Variants in IL12RB1 observed in about 807,000 individuals in gnomAD.
IL12RB1 encodes interleukin 12 receptor subunit beta 1.
In IL12RB1, 64 loss-of-function variants were observed where a neutral mutation model predicts 94.4. The ratio of observed to expected loss-of-function variants is 0.68; its 90% CI spans 0.55 to 0.83. The LOEUF is 0.83. Among genes scored for constraint, IL12RB1 ranks in the 40% least tolerant of loss-of-function variants. IL12RB1 has a pLI of 0.00. For synonymous variants in IL12RB1, 362 were observed against 355.5 expected, an observed-to-expected ratio of 1.02 and a Z score of -0.21; for missense variants, 814 against 855.6, an observed-to-expected ratio of 0.95 and a Z score of 0.61.
chr19:18,086,858 C>A lies in IL12RB1; in HGVS notation c.-35G>T. On this transcript the variant is annotated 5_prime_UTR_variant, in exon 1 of 17. Transcript: ENST00000593993. The stretch of plus-strand genomic sequence containing the variant: ...GTAGAGCCCCACAGCCCCAGGGGAG[C>A]CTCTCTGCCACCTGCGAGGTTCAGC... The A allele has an allele frequency of 1.3e-6, 2 of 1,597,320 alleles. No individual in the cohort carries two copies. The highest frequency in any genetic ancestry group is 2.3e-5 in the South Asian group (2 of 88,814).
Position 18,080,930 on chromosome 19 carries a change from C to T in IL12RB1, c.311G>A (p.Gly104Glu), listed in dbSNP as rs1568514893. Residue 104 changes from glycine to glutamate, a missense_variant, in exon 4 of 17, where the codon GGG (glycine) becomes GAG (glutamate). Coordinates refer to ENST00000593993, the MANE Select transcript of IL12RB1 (RefSeq NM_005535.3). Reference sequence around the variant, plus strand: ...TGTGACAGTGTACAGCACAGACACCCCAGCCTGGTCGGAGAACTGCAGCCT... The same window carrying T: ...TGTGACAGTGTACAGCACAGACACCTCAGCCTGGTCGGAGAACTGCAGCCT... ...ATRLQFSDQAGVSVLYTVTLW... is the reference protein window; with the variant it reads ...ATRLQFSDQAEVSVLYTVTLW... The T allele has an allele frequency of 2.5e-6, 4 of 1,613,914 alleles. No individual in the cohort carries two copies. The highest frequency in any genetic ancestry group is 4.5e-5 in the East Asian group (2 of 44,888).
At position 18,078,376 on chromosome 19, in the gene IL12RB1, C is replaced by T. The variant is rs561453633; in HGVS notation, c.410-721G>A. Among the ~76,000 whole-genome samples, 6 of 151,958 alleles carry T rather than the reference C, an allele frequency of 3.9e-5. No homozygotes were observed. The South Asian group carries it at 8.3e-4, about 21-fold the overall frequency. The stretch of plus-strand genomic sequence containing the variant: ...TAGACAAGATCCCACCACTGCCCTC[C>T]GGCCTGGGTGACAGAGCAAGACTCT... On this transcript the variant is annotated intron_variant, in intron 4 of 16. Coordinates refer to ENST00000593993, the MANE Select transcript of IL12RB1 (RefSeq NM_005535.3).
At position 18,071,333 on chromosome 19, in the gene IL12RB1, T is replaced by A; in HGVS notation, c.1021+779A>T. On this transcript the variant is annotated intron_variant, in intron 9 of 16. Transcript: ENST00000593993. ...GTTGCAGTGAGCTGAGATCATGCCA[T>A]CTGTCACAAGAAAAAAAAGAAATTA... The A allele has an allele frequency of 3.4e-6, 3 of 876,210 alleles. No homozygotes were observed. In the South Asian group the frequency reaches 4.2e-5, roughly 12 times the overall value. 54.3% of individuals were successfully genotyped at this position (876,210 alleles called of 1,614,324 possible). A position where few individuals can be genotyped will look rare whatever the true frequency, so the allele number is the denominator to read the frequency against.
At chr19:18,086,109 G>C (rs1006709750) in intron 1 of IL12RB1, among the ~76,000 whole-genome samples, 40 of 151,916 alleles carry the variant, frequency 2.6e-4, no homozygotes, top group Non-Finnish European at 2.9e-5. Context: ...TGCAGTCCCA[G>C]CTACTCAAGG....
intron 14 of IL12RB1, 130 bp downstream of exon 14, chr19:18,062,051 C>T: frequency 1.5e-6 from 1 of 657,698 alleles, no homozygotes; most frequent in Admixed American, 2.3e-5. Context: ...TTTTCTTCTA[C>T]CTCTGGCTTG....
At position 18,079,860 on chromosome 19, in the gene IL12RB1, G is replaced by A. The variant is rs200989318; in HGVS notation, c.409+972C>T. Among the ~76,000 whole-genome samples, 57 of 152,028 alleles carry A rather than the reference G, an allele frequency of 3.7e-4. No individual in the cohort carries two copies. The East Asian group carries it at 9.9e-3, about 27-fold the overall frequency. ...TGCAGTGAGCCGAGATCGCGCCACT[G>A]CACTCCAGCCTGGGCGACAGAGCGA... On this transcript the variant is annotated intron_variant, in intron 4 of 16. Transcript: ENST00000593993.
At chr19:18,077,442 T>C in intron 5 of IL12RB1, 74 bp downstream of exon 5, 1 of 1,128,542 alleles carries the variant, frequency 8.9e-7, no homozygotes. Context: ...GATGCAGAGA[T>C]GGTGAGACTG....
At chr19:18,076,064 T>G (rs1350659107) in intron 6 of IL12RB1, among the ~76,000 whole-genome samples, 196 bp from the exon 7 acceptor site, 1 of 152,114 alleles carries the variant, frequency 6.6e-6, no homozygotes, top group Admixed American at 6.6e-5. Flanking sequence ...TGCCCCTCAG[T>G]TCAAGTCCTG....
intron 1 of IL12RB1, among the ~76,000 whole-genome samples, chr19:18,093,344 A>ATATATATATATATATATG (rs1224767884): frequency 3.5e-5 from 5 of 142,602 alleles, no homozygotes; most frequent in South Asian, 2.2e-4. Flanking sequence ...ATATATATAT[A>ATATATATATATATATATG]TATACTTGTG....
At chr19:18,084,645 C>T (rs952691760) in intron 1 of IL12RB1, among the ~76,000 whole-genome samples, 10 of 149,432 alleles carry the variant, frequency 6.7e-5, no homozygotes, top group South Asian at 4.3e-4. Flanking sequence ...ATCTACCTAC[C>T]GATATATCCA....
chr19:18,063,540 G>A (rs768116683), intron 13 of IL12RB1, among the ~76,000 whole-genome samples: 37 of 152,196 alleles, frequency 2.4e-4, no homozygotes, highest in Non-Finnish European at 4.1e-4. Context: ...AGAAGGGACA[G>A]TTGTAAACAA....
At chr19:18,083,399 A>T (rs758605024) in intron 2 of IL12RB1, 33 bp downstream of exon 2, 24 of 1,602,482 alleles carry the variant, frequency 1.5e-5, no homozygotes, top group Middle Eastern at 1.7e-4. Flanking sequence ...GCCCTACATA[A>T]TCCTCAGCCA....
chr19:18,085,793 G>C (rs979934402), intron 1 of IL12RB1, among the ~76,000 whole-genome samples: 1 of 151,954 alleles, frequency 6.6e-6, no homozygotes, highest in African/African-American at 2.4e-5. Context: ...ATTTTTAGTA[G>C]AGATGGGGTT....
chr19:18,073,618 C>T lies in IL12RB1; in HGVS notation c.701-19G>A, dbSNP rs1222702528. 1 of 1,476,154 alleles carries T rather than the reference C, an allele frequency of 6.8e-7. No individual in the cohort carries two copies. The allele number at this position is 1,476,154 out of a possible 1,614,324, so 91.4% of individuals were successfully genotyped here. On this transcript the variant is annotated intron_variant, in intron 7 of 16. Transcript: ENST00000593993. ...GGGTTTTCTGCAATCAGAACCAAAC[C>T]AACTAGACGAATTGGAAGGAGAGAA...
Position 18,082,693 on chromosome 19 carries a change from A to G in IL12RB1, c.125-429T>C, listed in dbSNP as rs571993671. On this transcript the variant is annotated intron_variant, in intron 2 of 16. Coordinates refer to ENST00000593993, the MANE Select transcript of IL12RB1 (RefSeq NM_005535.3). ...CTAGAACTGTGTCCGCACATAGAAG[A>G]TGCTCAGTAAATCGTTATCAAACAA... Among the ~76,000 whole-genome samples the G allele has an allele frequency of 1.5e-4, 23 of 152,338 alleles. 1 individual carries two copies. The East Asian group carries it at 4.4e-3, about 29-fold the overall frequency.
At chr19:18,097,448 C>T (rs1037082884) in intron 1 of IL12RB1, among the ~76,000 whole-genome samples, 8 of 152,290 alleles carry the variant, frequency 5.3e-5, no homozygotes, top group African/African-American at 1.9e-4. Flanking sequence ...ATCTGCCCAC[C>T]TCGGCCTCCC....
At chr19:18,082,026 C>A (rs1171050503) in intron 3 of IL12RB1, 124 bp downstream of exon 3, 13 of 710,460 alleles carry the variant, frequency 1.8e-5, no homozygotes, top group Non-Finnish European at 3.4e-5. Flanking sequence ...AGATGAGAAA[C>A]TGAAGCCCAG....
At chr19:18,082,108 G>T (rs2035955042) in intron 3 of IL12RB1, 42 bp downstream of exon 3, 3 of 1,251,058 alleles carry the variant, frequency 2.4e-6, no homozygotes, top group African/African-American at 1.5e-5. Flanking sequence ...AGCAAGAGTG[G>T]GATGGTGGGT....
At chr19:18,083,030 C>T (rs954561742) in intron 2 of IL12RB1, 5 of 314,610 alleles carry the variant, frequency 1.6e-5, no homozygotes, top group Non-Finnish European at 3.1e-5. Flanking sequence ...TGGCAGTGAG[C>T]TGTGATCAGG....
Sources: allele counts gnomAD v4.1 joint callset (sites outside exome capture counted in the v4.1 genomes callset), GRCh38; gene constraint gnomAD v4.1.1; transcripts MANE v1.5; gene names NCBI Gene and HGNC (gene_info 2026-07-23, HGNC 2026-07-21).